Variants in CDC45 observed in about 807,000 individuals in gnomAD.
The protein encoded by CDC45 is cell division cycle 45.
CDC45 carries 54 observed loss-of-function variants against 77.8 expected under a neutral mutation model. The observed-to-expected ratio is 0.69, with a 90% CI of 0.56 to 0.87. The LOEUF (loss-of-function observed/expected upper bound fraction) is 0.87. Among genes scored for constraint, CDC45 ranks in the 40% least tolerant of loss-of-function variants. The probability of loss-of-function intolerance (pLI) is 0.00; values close to 1 mark genes in which losing one functional copy is unlikely to be tolerated. For synonymous variants in CDC45, 260 were observed against 272.1 expected (o/e 0.96, Z 0.44); for missense variants, 649 against 721.6 (o/e 0.90, Z 1.15).
chr22:19,505,136 C>A (rs1010431520), intron 9 of CDC45: 1 of 551,828 alleles, frequency 1.8e-6, no homozygotes, highest in Admixed American at 3.1e-5. Flanking sequence ...CCATGAGGAC[C>A]GGAGGTGGAC....
At position 19,507,621 on chromosome 22, in the gene CDC45, C is replaced by T. The variant is rs1309752107; in HGVS notation, c.956+104C>T. ...ACTTAGTTATAAAATGCAGCCTGTT[C>T]TGCCATAAGCTCCTTGCCCTAGATC... is the stretch of plus-strand genomic sequence containing the variant. On this transcript the variant is annotated intron_variant, in intron 11 of 18. Transcript: ENST00000263201. 3.4e-6 allele frequency: 5 copies of T among 1,456,046 alleles called. 1 individual carries two copies. The East Asian group carries it at 9.2e-5, about 27-fold the overall frequency. The allele number at this position is 1,456,046 out of a possible 1,614,324, so 90.2% of individuals were successfully genotyped here.
intron 18 of CDC45, among the ~76,000 whole-genome samples, chr22:19,519,779 C>A (rs1229957434): frequency 6.6e-6 from 1 of 152,246 alleles, no homozygotes; most frequent in Non-Finnish European, 1.5e-5. Flanking sequence ...TTTCTGCTGA[C>A]AACAGCATAG....
intron 5 of CDC45, among the ~76,000 whole-genome samples, chr22:19,490,988 C>T (rs1029633817): frequency 2.0e-5 from 3 of 151,498 alleles, no homozygotes; most frequent in African/African-American, 2.4e-5. Flanking sequence ...CCACCATGCC[C>T]GGCTAATTTT....
In CDC45 at chr22:19,497,462, C is replaced by A. The variant is rs767674635; in HGVS notation, c.653+15C>A. On this transcript the variant is annotated intron_variant, in intron 8 of 18. Transcript: ENST00000263201. ...GACATGCTGTGGTACGTAGCCCCTG[C>A]GGCAGCTGTGTGGGAGTATTTGTTG... The A allele has an allele frequency of 1.2e-6, 2 of 1,611,344 alleles. No individual in the cohort carries two copies. The highest frequency in any genetic ancestry group is 1.1e-5 in the South Asian group (1 of 91,038).
chr22:19,494,127 G>A (rs2090199928), intron 5 of CDC45, among the ~76,000 whole-genome samples, 200 bp from the exon 6 acceptor site: 1 of 152,124 alleles, frequency 6.6e-6, no homozygotes, highest in African/African-American at 2.4e-5. Flanking sequence ...AGAGCTGGGA[G>A]CCAGAAGGGG....
rs13447255 is a variant in CDC45, at chr22:19,506,069, T to A, written c.824+588T>A. On this transcript the variant is annotated intron_variant, in intron 10 of 18. Coordinates refer to ENST00000263201, the MANE Select transcript of CDC45 (RefSeq NM_003504.5). ...AGGTCCCTTGGCTGCCCAGTAGAGGTAGGTTGGGGGCAAGGAGATGGTCAC... is the reference window on the plus strand; with the variant it reads ...AGGTCCCTTGGCTGCCCAGTAGAGGAAGGTTGGGGGCAAGGAGATGGTCAC... 4.6e-5 allele frequency among the ~76,000 whole-genome samples: 7 copies of A among 152,158 alleles called. No individual in the cohort carries two copies. In the East Asian group the frequency reaches 1.4e-3, roughly 29 times the overall value.
intron 8 of CDC45, among the ~76,000 whole-genome samples, chr22:19,497,933 T>G (rs2090272226): frequency 6.6e-6 from 1 of 151,990 alleles, no homozygotes; most frequent in African/African-American, 2.4e-5. Context: ...GGCTCACCCC[T>G]GTAATCCCAG....
chr22:19,490,838 T>C (rs5746752), intron 5 of CDC45, among the ~76,000 whole-genome samples: 5,999 of 151,550 alleles, frequency 0.04, 213 homozygotes, highest in South Asian at 0.13. Flanking sequence ...TCTTTTTTTT[T>C]TTTTTTTGAG....
At chr22:19,496,522 C>A (rs966904936) in intron 7 of CDC45, among the ~76,000 whole-genome samples, 2 of 152,200 alleles carry the variant, frequency 1.3e-5, no homozygotes, top group Admixed American at 1.3e-4. Context: ...GAATTTAATA[C>A]TGGGACCTTG....
intron 8 of CDC45, among the ~76,000 whole-genome samples, 181 bp from the exon 9 acceptor site, chr22:19,498,920 C>T (rs2090291134): frequency 6.6e-6 from 1 of 152,220 alleles, no homozygotes; most frequent in African/African-American, 2.4e-5. Context: ...AATTACCCTT[C>T]TAACCTCTTC....
intron 5 of CDC45, among the ~76,000 whole-genome samples, chr22:19,489,803 T>C (rs1203263692): frequency 2.0e-5 from 3 of 152,102 alleles, no homozygotes; most frequent in Non-Finnish European, 4.4e-5. Context: ...ATACTGAGAG[T>C]TGGTGGTGGT....
chr22:19,517,080 G>A (rs925568899), intron 17 of CDC45, among the ~76,000 whole-genome samples, 187 bp downstream of exon 17: 2 of 152,252 alleles, frequency 1.3e-5, no homozygotes, highest in Non-Finnish European at 2.9e-5. Context: ...TCAGGCCCCT[G>A]AGAGGGAAAA....
At chr22:19,493,691 G>A (rs994137597) in intron 5 of CDC45, among the ~76,000 whole-genome samples, 5 of 152,134 alleles carry the variant, frequency 3.3e-5, no homozygotes, top group Non-Finnish European at 7.3e-5. Flanking sequence ...TGATCCGCCC[G>A]CCTGTCTCCA....
chr22:19,506,257 G>A (rs5748252), intron 10 of CDC45, among the ~76,000 whole-genome samples: 103,267 of 151,972 alleles, frequency 0.68, 35,232 homozygotes, highest in South Asian at 0.75. Flanking sequence ...GGTGGCCATC[G>A]GAGCCTGGGG....
chr22:19,496,744 G>T (rs547212932), intron 7 of CDC45, among the ~76,000 whole-genome samples: 1 of 152,160 alleles, frequency 6.6e-6, no homozygotes, highest in Non-Finnish European at 1.5e-5. Context: ...GAGGAAGCCC[G>T]CATCTCACGG....
At chr22:19,486,124 C>T (rs1050512185) in intron 5 of CDC45, among the ~76,000 whole-genome samples, 1 of 152,154 alleles carries the variant, frequency 6.6e-6, no homozygotes, top group Non-Finnish European at 1.5e-5. Flanking sequence ...TGGGTTCAAG[C>T]GATTCGCCTG....
chr22:19,482,341 C>T (rs528428013), intron 3 of CDC45, among the ~76,000 whole-genome samples: 46 of 152,350 alleles, frequency 3.0e-4, no homozygotes, highest in African/African-American at 1.1e-3. Context: ...ATGCCATTAG[C>T]CTGGAGAGGC....
In CDC45 at chr22:19,516,243, GC is replaced by G. The variant is rs1251796648; in HGVS notation, c.1441-283del. ...CAACAAACAGCCAAGGGGCAGTGGG[GC>G]TAGGCTGGTAGACAAGGAGGCTCGG... is the stretch of plus-strand genomic sequence containing the variant. On this transcript the variant is annotated intron_variant, in intron 15 of 18. Transcript: ENST00000263201. Among the ~76,000 whole-genome samples, 4 of 152,136 alleles carry G rather than the reference GC, an allele frequency of 2.6e-5. No individual in the cohort carries two copies. In the East Asian group the frequency reaches 5.8e-4, roughly 22 times the overall value.
rs186029575 is a variant in CDC45, at chr22:19,499,740, C to G, written c.704+589C>G. On this transcript the variant is annotated intron_variant, in intron 9 of 18. Transcript: ENST00000263201. ...TGGGGGTTGGCTTCTTCTTTCATCC[C>G]TGCTAATGCACGAAGTGGCCCAACC... 6.6e-5 allele frequency among the ~76,000 whole-genome samples: 10 copies of G among 152,322 alleles called. No homozygotes were observed. The East Asian group carries it at 1.9e-3, about 29-fold the overall frequency.
Sources: allele counts gnomAD v4.1 joint callset (sites outside exome capture counted in the v4.1 genomes callset), GRCh38; gene constraint gnomAD v4.1.1; transcripts MANE v1.5; gene names NCBI Gene and HGNC (gene_info 2026-07-23, HGNC 2026-07-21).